The following DNM1L variants were observed in gnomAD, a reference collection of about 807,000 sequenced individuals.
DNM1L encodes dynamin 1L.
A neutral mutation model predicts 92.8 loss-of-function variants in DNM1L; 33 were observed. The ratio of observed to expected loss-of-function variants is 0.36; its 90% CI spans 0.27 to 0.48. The LOEUF is 0.48. Among genes scored for constraint, DNM1L ranks in the 20% least tolerant of loss-of-function variants. DNM1L has a pLI of 0.99. For synonymous variants in DNM1L, 284 were observed against 305.0 expected (o/e 0.93, Z 0.72); for missense variants, 485 against 888.8 (o/e 0.55, Z 5.78).
intron 5 of DNM1L, among the ~76,000 whole-genome samples, chr12:32,712,222 A>C (rs1177062851): frequency 3.3e-5 from 5 of 152,132 alleles, no homozygotes; most frequent in Admixed American, 6.6e-5. Context: ...CCTTGACTTA[A>C]AACCTCTCCC....
Position 32,731,258 on chromosome 12 carries a change from GCATTTTTCATGAA to G in DNM1L, c.1201-97_1201-85del. On this transcript the variant is annotated intron_variant, in intron 10 of 19. Coordinates refer to ENST00000549701, the MANE Select transcript of DNM1L (RefSeq NM_012062.5). The surrounding 1 kb of genome is among the most constrained non-coding windows in gnomAD (Gnocchi z 5.1). ...TTGCTCTCATATTTGAAATTAAAAA[GCATTTTTCATGAA>G]AAGTACCAAAAATGTGACTTTCTTA... is the stretch of plus-strand genomic sequence containing the variant. 2 of 1,190,076 alleles carry G rather than the reference GCATTTTTCATGAA, an allele frequency of 1.7e-6. No individual in the cohort carries two copies. The highest frequency in any genetic ancestry group is 2.3e-6 in the Non-Finnish European group (2 of 863,556). The allele number at this position is 1,190,076 out of a possible 1,614,324, so 73.7% of individuals were successfully genotyped here.
Position 32,704,545 on chromosome 12 carries a change from G to A in DNM1L, c.251-2822G>A, listed in dbSNP as rs537764792. The stretch of plus-strand genomic sequence containing the variant: ...AGCCTGGGCAACAGAGCAAGACTCC[G>A]TCTTAAAAAAAAAAAAAAAATGCAA... On this transcript the variant is annotated intron_variant, in intron 2 of 19. Coordinates refer to ENST00000549701, the MANE Select transcript of DNM1L (RefSeq NM_012062.5). Among the ~76,000 whole-genome samples the A allele has an allele frequency of 2.3e-3, 140 of 60,278 alleles. 1 individual carries two copies. The East Asian group carries it at 0.047, about 20-fold the overall frequency. 39.5% of individuals were successfully genotyped at this position (60,278 alleles called of 152,430 possible).
chr12:32,731,833 TC>T lies in DNM1L; in HGVS notation c.1357-20del. ...AAAAAACAAAAAACAAACACGTTTT[TC>T]TTTCATCTACCATTTGTAGGAATTG... On this transcript the variant is annotated intron_variant, in intron 11 of 19. Coordinates refer to ENST00000549701, the MANE Select transcript of DNM1L (RefSeq NM_012062.5). This position sits in a 1 kb window ranked among gnomAD's most constrained non-coding sequence, Gnocchi z 5.1. 1 of 1,547,256 alleles carries T rather than the reference TC, an allele frequency of 6.5e-7. No homozygotes were observed. Among genetic ancestry groups the T allele is most frequent in the South Asian group, 1.1e-5 (1 of 89,118 alleles).
rs376158084 is a variant in DNM1L at position 32,701,453 on chromosome 12, G to T, written c.141G>T (p.Gly47=). Residue 47 remains glycine (G), a synonymous_variant, in exon 2 of 20, where the codon GGG becomes GGT. Coordinates refer to ENST00000549701, the MANE Select transcript of DNM1L (RefSeq NM_012062.5). ...GCTCAGTGCTAGAAAGCCTGGTGGGGAGGGACCTGCTTCCCAGAGGTACTG... is the reference window on the plus strand; with the variant it reads ...GCTCAGTGCTAGAAAGCCTGGTGGGTAGGGACCTGCTTCCCAGAGGTACTG... ...GKSSVLESLV[G]RDLLPRGTGI... The T allele has an allele frequency of 1.9e-6, 3 of 1,613,674 alleles. No homozygotes were observed. The highest frequency in any genetic ancestry group is 2.7e-5 in the African/African-American group (2 of 74,892).
intron 6 of DNM1L, among the ~76,000 whole-genome samples, chr12:32,713,846 G>A (rs965352893): frequency 6.6e-6 from 1 of 152,118 alleles, no homozygotes; most frequent in Non-Finnish European, 1.5e-5. Context: ...AATCATTGTA[G>A]ATTATTATGG....
chr12:32,738,071 T>TAATA, intron 15 of DNM1L, 129 bp downstream of exon 15: 1 of 1,098,386 alleles, frequency 9.1e-7, no homozygotes, highest in East Asian at 2.6e-5. Context: ...CACTTTAGTC[T>TAATA]AATATATATT....
chr12:32,711,698 C>T (rs1953130466), intron 5 of DNM1L, among the ~76,000 whole-genome samples: 1 of 151,974 alleles, frequency 6.6e-6, no homozygotes, highest in Non-Finnish European at 1.5e-5. Context: ...AGTTTGAGAC[C>T]AGCCTGGGCA....
chr12:32,692,434 G>GT (rs1254971044), intron 1 of DNM1L: 1 of 152,144 alleles, frequency 6.6e-6, no homozygotes, highest in Non-Finnish European at 1.5e-5. Flanking sequence ...CTAAACTGGG[G>GT]TTTAGGAGCT....
intron 9 of DNM1L, chr12:32,726,884 T>C: frequency 1.5e-6 from 1 of 656,828 alleles, no homozygotes; most frequent in Admixed American, 2.6e-5. Context: ...GCACTTCATT[T>C]GTAAAATATT....
intron 6 of DNM1L, among the ~76,000 whole-genome samples, chr12:32,714,958 C>G (rs923070905): frequency 6.6e-6 from 1 of 152,094 alleles, no homozygotes; most frequent in Non-Finnish European, 1.5e-5. Context: ...CGAGATCATG[C>G]CATTGCACTC....
At chr12:32,714,342 G>A (rs1053685496) in intron 6 of DNM1L, among the ~76,000 whole-genome samples, 1 of 147,030 alleles carries the variant, frequency 6.8e-6, no homozygotes, top group Admixed American at 6.9e-5. Context: ...GCGCGATCTC[G>A]GTTCACTGCA....
At position 32,731,906 on chromosome 12, in the gene DNM1L, GTCT is replaced by G; in HGVS notation, c.1415_1417del (p.Leu472del). Reference sequence around the variant, plus strand: ...GATGCCATAGTTGAAGTGGTGACTTGTCTTCTTCGTAAAAGGTTGCCTGTTACA... The same window carrying G: ...GATGCCATAGTTGAAGTGGTGACTTGTCTTCGTAAAAGGTTGCCTGTTACA... On this transcript the variant is annotated inframe_deletion, in exon 12 of 20. Coordinates refer to ENST00000549701, the MANE Select transcript of DNM1L (RefSeq NM_012062.5). The surrounding 1 kb of genome is among the most constrained non-coding windows in gnomAD (Gnocchi z 5.1). The G allele has an allele frequency of 6.2e-7, 1 of 1,613,968 alleles. No homozygotes were observed. The highest frequency in any genetic ancestry group is 8.5e-7 in the Non-Finnish European group (1 of 1,179,904).
intron 1 of DNM1L, among the ~76,000 whole-genome samples, chr12:32,686,025 T>C (rs963121187): frequency 1.3e-5 from 2 of 151,566 alleles, no homozygotes; most frequent in Admixed American, 1.3e-4. Flanking sequence ...GAGGTGAAAT[T>C]TGCAGAACAT....
chr12:32,744,630 TTGA>T lies in DNM1L; in HGVS notation c.*1221_*1223del. The T allele has an allele frequency of 3.7e-6, 1 of 271,474 alleles. No individual in the cohort carries two copies. The highest frequency in any genetic ancestry group is 7.1e-6 in the Non-Finnish European group (1 of 140,464). 16.8% of individuals were successfully genotyped at this position (271,474 alleles called of 1,614,324 possible). A position where few individuals can be genotyped will look rare whatever the true frequency, so the allele number is the denominator to read the frequency against. Reference sequence around the variant, plus strand: ...CGGGAGGGTGAGGCAGGAGAATTGCTTGACCCTGGGAGGTGGAGGTTGTGGTGA... The same window carrying T: ...CGGGAGGGTGAGGCAGGAGAATTGCTCCCTGGGAGGTGGAGGTTGTGGTGA... On this transcript the variant is annotated 3_prime_UTR_variant, in exon 20 of 20. Coordinates refer to ENST00000549701, the MANE Select transcript of DNM1L (RefSeq NM_012062.5).
At chr12:32,717,192 T>C (rs1450425744) in intron 6 of DNM1L, among the ~76,000 whole-genome samples, 14 of 117,988 alleles carry the variant, frequency 1.2e-4, no homozygotes, top group Admixed American at 2.2e-4. Flanking sequence ...GTATATACTA[T>C]ATATATTTAT....
chr12:32,712,343 CTT>C (rs1565511849), intron 5 of DNM1L, among the ~76,000 whole-genome samples: 1 of 152,128 alleles, frequency 6.6e-6, no homozygotes, highest in African/African-American at 2.4e-5. Context: ...TGTTCACTCT[CTT>C]TGGAATTTCT....
At chr12:32,712,688 C>T (rs537363818) in intron 5 of DNM1L, among the ~76,000 whole-genome samples, 2 of 134,184 alleles carry the variant, frequency 1.5e-5, no homozygotes, top group African/African-American at 2.7e-5. Flanking sequence ...AGAAAAAAAT[C>T]ATCTCTAATC....
chr12:32,700,060 C>A (rs566820325), intron 1 of DNM1L, among the ~76,000 whole-genome samples: 2 of 109,148 alleles, frequency 1.8e-5, no homozygotes, highest in Admixed American at 1.7e-4. Flanking sequence ...CAGCAAAAAC[C>A]AAAAACCATC....
chr12:32,729,446 TTTAA>T (rs1954395048), intron 9 of DNM1L, among the ~76,000 whole-genome samples: 1 of 152,116 alleles, frequency 6.6e-6, no homozygotes, highest in South Asian at 2.1e-4. Flanking sequence ...TAACCTCTAA[TTTAA>T]TTAATTAATT....
Sources: allele counts gnomAD v4.1 joint callset (sites outside exome capture counted in the v4.1 genomes callset), GRCh38; gene constraint gnomAD v4.1.1; non-coding constraint Gnocchi (gnomAD v3.1); transcripts MANE v1.5; gene names NCBI Gene and HGNC (gene_info 2026-07-23, HGNC 2026-07-21).